FANCB: variants seen among roughly 807,000 people sequenced by gnomAD.
FANCB encodes Fanconi anemia group B protein.
In FANCB, 5 loss-of-function variants were observed where a neutral mutation model predicts 38.9. That is an observed-to-expected ratio of 0.13 (90% CI 0.07 to 0.27). The LOEUF is 0.27. Among genes scored for constraint, FANCB ranks in the 10% least tolerant of loss-of-function variants. FANCB has a pLI of 1.00. For synonymous variants in FANCB, 236 were observed against 215.4 expected (o/e 1.10, Z -0.84); for missense variants, 573 against 602.7 (o/e 0.95, Z 0.52).
At chrX:14,846,978 G>A (rs1569084524) in intron 7 of FANCB, among the ~76,000 whole-genome samples, 1 of 109,933 alleles carries the variant, frequency 9.1e-6, no homozygotes, top group Non-Finnish European at 1.9e-5. Context: ...TTTACTGGGG[G>A]AATTACTGAT....
At chrX:14,697,511 A>G in the FANCB span, among the ~76,000 whole-genome samples, 1 of 111,769 alleles carries the variant, frequency 8.9e-6, no homozygotes, top group African/African-American at 3.3e-5. Context: ...TTTTCTTCAT[A>G]TGTTCCAGAT....
chrX:14,782,321 C>T, the FANCB span, among the ~76,000 whole-genome samples: 1 of 112,045 alleles, frequency 8.9e-6, no homozygotes, highest in South Asian at 3.8e-4. Flanking sequence ...GAGTCAATAT[C>T]TGTTGTTTTG....
the FANCB span, among the ~76,000 whole-genome samples, chrX:14,702,516 A>G: frequency 8.9e-6 from 1 of 112,317 alleles, no homozygotes; most frequent in Admixed American, 9.4e-5. Context: ...TAAACTTACC[A>G]AAGCTTGTCT....
chrX:14,715,053 T>C, the FANCB span, among the ~76,000 whole-genome samples: 1 of 112,659 alleles, frequency 8.9e-6, no homozygotes, highest in Non-Finnish European at 1.9e-5. Context: ...TTATTTTGAA[T>C]TGTAAACACA....
In FANCB at chrX:14,865,568, G is replaced by C; in HGVS notation, c.-58C>G. 1.1e-6 allele frequency: 1 copy of C among 940,931 alleles called. No homozygotes were observed. The highest frequency in any genetic ancestry group is 1.5e-6 in the Non-Finnish European group (1 of 661,866). The allele number at this position is 940,931 out of a possible 1,213,427, so 77.5% of individuals were successfully genotyped here. A position where few individuals can be genotyped will look rare whatever the true frequency, so the allele number is the denominator to read the frequency against. On this transcript the variant is annotated 5_prime_UTR_variant, in exon 3 of 10. It adds an upstream start codon to the 5' untranslated region. Coordinates refer to ENST00000650831, the MANE Select transcript of FANCB (RefSeq NM_001018113.3). ...TTTCAAATGCAAATTGATTCCAGTT[G>C]ATGTTTCTAAACCTAAAAAAGAAAT...
At chrX:14,691,618 A>C in the FANCB span, among the ~76,000 whole-genome samples, 1 of 110,983 alleles carries the variant, frequency 9.0e-6, no homozygotes, top group Non-Finnish European at 1.9e-5. Context: ...CACACCTTAC[A>C]CCAACTAAAC....
chrX:14,749,837 G>T, the FANCB span, among the ~76,000 whole-genome samples: 7 of 111,826 alleles, frequency 6.3e-5, no homozygotes, highest in African/African-American at 2.0e-4. Flanking sequence ...GATAATAATA[G>T]CTGCCTGTCC....
chrX:14,704,641 C>T, the FANCB span, among the ~76,000 whole-genome samples: 4 of 111,422 alleles, frequency 3.6e-5, no homozygotes, highest in East Asian at 8.4e-4. Context: ...GCATCAGACG[C>T]GAGTATAACC....
the FANCB span, among the ~76,000 whole-genome samples, chrX:14,736,735 C>T: frequency 8.9e-6 from 1 of 112,280 alleles, no homozygotes; most frequent in African/African-American, 3.2e-5. Context: ...CTTGGATTTT[C>T]GTATCTGGTT....
chrX:14,766,513 C>T, the FANCB span, among the ~76,000 whole-genome samples: 4 of 111,436 alleles, frequency 3.6e-5, no homozygotes, highest in Admixed American at 9.6e-5. Context: ...ACTGACTCAA[C>T]GAAGCTTTGT....
the FANCB span, among the ~76,000 whole-genome samples, chrX:14,691,362 C>T: frequency 9.5e-6 from 1 of 105,397 alleles, no homozygotes; most frequent in Non-Finnish European, 1.9e-5. Flanking sequence ...ATCTGATTGA[C>T]TTTTTTTCAT....
At chrX:14,754,605 T>G in the FANCB span, among the ~76,000 whole-genome samples, 1 of 110,815 alleles carries the variant, frequency 9.0e-6, no homozygotes, top group Non-Finnish European at 1.9e-5. Flanking sequence ...ATGGGCAATA[T>G]CACACACACA....
At chrX:14,706,165 C>A in the FANCB span, among the ~76,000 whole-genome samples, 17 of 111,704 alleles carry the variant, frequency 1.5e-4, no homozygotes, top group African/African-American at 4.6e-4. Flanking sequence ...AGTTTGAGAA[C>A]CTTGCTTCTT....
the FANCB span, among the ~76,000 whole-genome samples, chrX:14,732,918 A>G: frequency 9.1e-4 from 102 of 112,083 alleles, no homozygotes; most frequent in Non-Finnish European, 1.8e-3. Context: ...TTTTGTTGCC[A>G]TTGCTTTTGG....
chrX:14,812,725 C>G, the FANCB span, among the ~76,000 whole-genome samples: 1 of 109,765 alleles, frequency 9.1e-6, no homozygotes, highest in African/African-American at 3.3e-5. Context: ...CTGCCGAATT[C>G]TACCAGAGGT....
chrX:14,864,126 C>T (rs189095439), intron 3 of FANCB, among the ~76,000 whole-genome samples: 2,009 of 110,562 alleles, frequency 0.018, 21 homozygotes, highest in Admixed American at 0.026. Flanking sequence ...CAAAGCGAGA[C>T]TCTGTCTCAA....
downstream of FANCB, among the ~76,000 whole-genome samples, chrX:14,839,254 T>C (rs1490245258): frequency 9.1e-6 from 1 of 110,325 alleles, no homozygotes; most frequent in Non-Finnish European, 1.9e-5. Flanking sequence ...ATCACGCCAC[T>C]GCACTCTAGC....
At chrX:14,724,626 CAAAAAAAAAAAAAAA>C in the FANCB span, among the ~76,000 whole-genome samples, 3 of 49,583 alleles carry the variant, frequency 6.1e-5, no homozygotes, top group East Asian at 5.8e-3. Flanking sequence ...AACTCTGTCT[CAAAAAAAAAAAAAAA>C]AAAAAAAAAA....
the FANCB span, among the ~76,000 whole-genome samples, chrX:14,707,055 G>A: frequency 1.8e-5 from 2 of 111,637 alleles, no homozygotes; most frequent in Admixed American, 1.9e-4. Flanking sequence ...CTGTCTTAAA[G>A]TCAGCCTTCT....
Sources: allele counts gnomAD v4.1 joint callset (sites outside exome capture counted in the v4.1 genomes callset), GRCh38; gene constraint gnomAD v4.1.1; transcripts MANE v1.5; gene names NCBI Gene and HGNC (gene_info 2026-07-23, HGNC 2026-07-21).